The following ILF2 variants were observed in gnomAD, a reference collection of about 807,000 sequenced individuals.
The protein encoded by ILF2 is interleukin enhancer-binding factor 2.
In ILF2, 9 loss-of-function variants were observed where a neutral mutation model predicts 55.3. The observed-to-expected ratio is 0.16, with a 90% CI of 0.10 to 0.28. ILF2 has a LOEUF of 0.28. ILF2 is among the 10% of genes least tolerant of loss of function. The pLI is 1.00. For synonymous variants in ILF2, 151 were observed against 161.8 expected (o/e 0.93, Z 0.50); for missense variants, 266 against 474.9 (o/e 0.56, Z 4.09).
Position 153,664,455 on chromosome 1 carries a change from C to G in ILF2, c.597G>C (p.Gln199His). The G allele has an allele frequency of 6.2e-7, 1 of 1,613,824 alleles. No individual in the cohort carries two copies. Among genetic ancestry groups the G allele is most frequent in the Non-Finnish European group, 8.5e-7 (1 of 1,179,730 alleles). Residue 199 changes from glutamine (Q) to histidine (H), a missense_variant, in exon 9 of 14, where the codon CAG becomes CAC. By Grantham distance (24) the Gln-to-His change is conservative. Transcript: ENST00000361891. ...CATGTCGGATGGCTGCTAAGGCACT[C>G]TGCAATACTTTGATATCCACTAAAA... ...PELHLDIKVL[Q>H]SALAAIRHAR... is the part of the protein sequence containing the mutation.
chr1:153,666,717 T>G (rs1669317571), intron 6 of ILF2, among the ~76,000 whole-genome samples: 1 of 152,192 alleles, frequency 6.6e-6, no homozygotes, highest in African/African-American at 2.4e-5. Flanking sequence ...CTGCCAGATA[T>G]CCCCTGGGTG....
Position 153,670,189 on chromosome 1 carries a change from C to T in ILF2, c.47G>A (p.Arg16Lys), listed in dbSNP as rs1373124749. The T allele has an allele frequency of 6.2e-7, 1 of 1,614,152 alleles. No homozygotes were observed. Among genetic ancestry groups the T allele is most frequent in the Non-Finnish European group, 8.5e-7 (1 of 1,180,014 alleles). Residue 16 changes from arginine (R) to lysine (K), a missense_variant, in exon 2 of 14, where the codon AGA becomes AAA. Coordinates refer to ENST00000361891, the MANE Select transcript of ILF2 (RefSeq NM_004515.4). ...TACTCACCCTCCTCCTGGGCCTCCT[C>T]TGGAACCAAAGCGCCCACCACGACC... ...GRGRGGRFGS[R>K]GGPGGGFRPF...
chr1:153,662,981 G>T, intron 12 of ILF2, 38 bp downstream of exon 12: 1 of 1,539,250 alleles, frequency 6.5e-7, no homozygotes, highest in Non-Finnish European at 9.0e-7. Flanking sequence ...ATTCAAAAGA[G>T]TGGGGCAAAA....
intron 12 of ILF2, 101 bp from the exon 13 acceptor site, chr1:153,662,896 G>T: frequency 7.5e-7 from 1 of 1,328,082 alleles, no homozygotes; most frequent in Non-Finnish European, 1.1e-6. Flanking sequence ...TTAAATCTCA[G>T]GACCAAAGTC....
intron 7 of ILF2, 49 bp downstream of exon 7, chr1:153,665,614 G>C (rs780042124): frequency 7.1e-7 from 1 of 1,415,740 alleles, no homozygotes; most frequent in South Asian, 1.1e-5. Flanking sequence ...ACAATTACAA[G>C]ACCTGGTTCC....
intron 5 of ILF2, 108 bp from the exon 6 acceptor site, chr1:153,667,765 G>A (rs1669348699): frequency 1.2e-6 from 1 of 801,544 alleles, no homozygotes; most frequent in Non-Finnish European, 2.1e-6. Context: ...TTAAGAAGTA[G>A]CAGAGGTGAA....
Position 153,663,205 on chromosome 1 carries a change from C to T in ILF2, c.806+10G>A, listed in dbSNP as rs765122567. On this transcript the variant is annotated intron_variant, in intron 11 of 13. Coordinates refer to ENST00000361891, the MANE Select transcript of ILF2 (RefSeq NM_004515.4). ...TTTACAACCAACCCTAAACCCAAAG[C>T]ATGCTGTACCTGTATGCAACGTTTA... 2 of 1,614,156 alleles carry T rather than the reference C, an allele frequency of 1.2e-6. No homozygotes were observed. The highest frequency in any genetic ancestry group is 3.3e-5 in the Admixed American group (2 of 60,026).
rs750546285 is a variant in ILF2 at position 153,662,716 on chromosome 1, C to T, written c.1001G>A (p.Gly334Asp). The change falls in exon 13 of 14, where the codon GGT becomes GAT. Residue 334 changes from glycine to aspartate, a missense_variant. Coordinates refer to ENST00000361891, the MANE Select transcript of ILF2 (RefSeq NM_004515.4). The stretch of plus-strand genomic sequence containing the variant: ...CAGTGGTCACTCACAGCTGGCATCA[C>T]CCTCCTGGCCAAGGATCTTCCTAAA... ...GGFRKILGQEGDASYLASEIS... is the reference protein window; with the variant it reads ...GGFRKILGQEDDASYLASEIS... The T allele has an allele frequency of 6.2e-7, 1 of 1,614,032 alleles. No homozygotes were observed. Among genetic ancestry groups the T allele is most frequent in the Non-Finnish European group, 8.5e-7 (1 of 1,179,998 alleles).
chr1:153,665,142 CTAAG>C, intron 8 of ILF2, 74 bp downstream of exon 8: 1 of 867,924 alleles, frequency 1.2e-6, no homozygotes, highest in Non-Finnish European at 2.0e-6. Flanking sequence ...TAGCAACAAG[CTAAG>C]TAAACTAAAC....
chr1:153,662,815 G>C lies in ILF2; in HGVS notation c.922-20C>G. ...CATGTCCTGAAGGAAAGCAAAGTGAGAGTAAGCAAGGAAAATCAAAGGACC... is the reference window on the plus strand; with the variant it reads ...CATGTCCTGAAGGAAAGCAAAGTGACAGTAAGCAAGGAAAATCAAAGGACC... On this transcript the variant is annotated intron_variant, in intron 12 of 13. Coordinates refer to ENST00000361891, the MANE Select transcript of ILF2 (RefSeq NM_004515.4). 6.3e-7 allele frequency: 1 copy of C among 1,598,734 alleles called. No individual in the cohort carries two copies. Among genetic ancestry groups the C allele is most frequent in the Non-Finnish European group, 8.6e-7 (1 of 1,166,390 alleles).
intron 6 of ILF2, among the ~76,000 whole-genome samples, chr1:153,666,373 T>C (rs1367136679): frequency 5.3e-5 from 8 of 152,122 alleles, no homozygotes; most frequent in African/African-American, 1.9e-4. Flanking sequence ...TGGTAGAGAC[T>C]GGGTTTTGCC....
At position 153,662,243 on chromosome 1, in the gene ILF2, CA is replaced by C; in HGVS notation, c.*152del. The C allele has an allele frequency of 1.1e-6, 1 of 946,256 alleles. No homozygotes were observed. The highest frequency in any genetic ancestry group is 1.6e-6 in the Non-Finnish European group (1 of 632,420). 58.6% of individuals were successfully genotyped at this position (946,256 alleles called of 1,614,324 possible). A position where few individuals can be genotyped will look rare whatever the true frequency, so the allele number is the denominator to read the frequency against. ...GGGAGACTGGCAGCTAAGCCAATAT[CA>C]AAACCCAGTGGAATGACACTTCTAT... On this transcript the variant is annotated 3_prime_UTR_variant, in exon 14 of 14. Transcript: ENST00000361891.
At chr1:153,667,237 G>A in intron 6 of ILF2, 2 of 440,416 alleles carry the variant, frequency 4.5e-6, no homozygotes, top group Non-Finnish European at 8.0e-6. Flanking sequence ...CAGCACTTTG[G>A]GAGGCTGAGG....
At chr1:153,664,257 T>C in intron 9 of ILF2, 127 bp from the exon 10 acceptor site, 1 of 1,005,964 alleles carries the variant, frequency 9.9e-7, no homozygotes, top group Non-Finnish European at 1.5e-6. Flanking sequence ...AATCTTAATT[T>C]GCTTCCTTAA....
intron 1 of ILF2, 101 bp downstream of exon 1, chr1:153,670,817 C>T (rs1669450653): frequency 7.1e-7 from 1 of 1,403,086 alleles, no homozygotes; most frequent in Non-Finnish European, 1.0e-6. Flanking sequence ...GGCCAGCCCC[C>T]GGATACATGG....
At position 153,663,206 on chromosome 1, in the gene ILF2, A is replaced by G. The variant is rs1323673452; in HGVS notation, c.806+9T>C. 6.2e-7 allele frequency: 1 copy of G among 1,614,174 alleles called. No individual in the cohort carries two copies. The highest frequency in any genetic ancestry group is 1.7e-5 in the Admixed American group (1 of 60,026). On this transcript the variant is annotated intron_variant, in intron 11 of 13. Transcript: ENST00000361891. ...TTACAACCAACCCTAAACCCAAAGC[A>G]TGCTGTACCTGTATGCAACGTTTAG...
Position 153,665,647 on chromosome 1 carries a change from A to G in ILF2, c.460+16T>C, listed in dbSNP as rs1359144216. 1 of 1,608,846 alleles carries G rather than the reference A, an allele frequency of 6.2e-7. No homozygotes were observed. Among genetic ancestry groups the G allele is most frequent in the East Asian group, 2.2e-5 (1 of 44,860 alleles). ...TCCTATGGCTACTAAATACAGAATC[A>G]GCAACAAATGCAAACCTTCAGAAGG... On this transcript the variant is annotated intron_variant, in intron 7 of 13. Transcript: ENST00000361891.
Position 153,669,955 on chromosome 1 carries a change from A to C in ILF2, c.66-77T>G. On this transcript the variant is annotated intron_variant, in intron 2 of 13. Coordinates refer to ENST00000361891, the MANE Select transcript of ILF2 (RefSeq NM_004515.4). The stretch of plus-strand genomic sequence containing the variant: ...TGTAAATAACACGCCAACAATTTTG[A>C]AAACATGTCAGTCCTCAGAATGAGT... 4.7e-6 allele frequency: 6 copies of C among 1,285,370 alleles called. No individual in the cohort carries two copies. The Admixed American group carries it at 1.0e-4, about 22-fold the overall frequency. 79.6% of individuals were successfully genotyped at this position (1,285,370 alleles called of 1,614,324 possible). A position where few individuals can be genotyped will look rare whatever the true frequency, so the allele number is the denominator to read the frequency against.
chr1:153,662,809 A>C lies in ILF2; in HGVS notation c.922-14T>G, dbSNP rs761110894. 6.2e-7 allele frequency: 1 copy of C among 1,604,854 alleles called. No homozygotes were observed. The highest frequency in any genetic ancestry group is 8.5e-7 in the Non-Finnish European group (1 of 1,171,792). On this transcript the variant is annotated splice_polypyrimidine_tract_variant and intron_variant, in intron 12 of 13. Transcript: ENST00000361891. ...GCAGACCATGTCCTGAAGGAAAGCA[A>C]AGTGAGAGTAAGCAAGGAAAATCAA...
Sources: gnomAD v4.1 joint callset for allele counts (sites outside exome capture counted in the v4.1 genomes callset) on GRCh38, gnomAD v4.1.1 for gene constraint, MANE v1.5 for transcripts, NCBI Gene and HGNC (gene_info 2026-07-23, HGNC 2026-07-21) for gene names.